LRRC20: variants seen among roughly 807,000 people sequenced by gnomAD.
LRRC20 encodes leucine rich repeat containing 20.
Under a neutral mutation model 14.4 loss-of-function variants are expected in LRRC20, and 11 were observed. The ratio of observed to expected loss-of-function variants is 0.77; its 90% confidence interval spans 0.48 to 1.27. The LOEUF is 1.27. Ranked by LOEUF, LRRC20 falls within the 50% of genes most tolerant of loss-of-function variation. The pLI is 0.00. For synonymous variants in LRRC20, 121 were observed against 107.3 expected (o/e 1.13, Z -0.79); for missense variants, 219 against 251.2 (o/e 0.87, Z 0.87).
intron 2 of LRRC20, among the ~76,000 whole-genome samples, chr10:70,375,337 T>A (rs114157806): frequency 6.6e-6 from 1 of 151,996 alleles, no homozygotes; most frequent in Non-Finnish European, 1.5e-5. Context: ...AACCACAGGG[T>A]CCCTGTGCTC....
At chr10:70,322,889 T>C (rs1329347932) in intron 4 of LRRC20, among the ~76,000 whole-genome samples, 1 of 151,828 alleles carries the variant, frequency 6.6e-6, no homozygotes, top group Non-Finnish European at 1.5e-5. Flanking sequence ...GTGGCACCGC[T>C]GACAGATGGG....
At position 70,375,141 on chromosome 10, in the gene LRRC20, C is replaced by T. The variant is rs114861729; in HGVS notation, c.82+1311G>A. 8.1e-3 allele frequency among the ~76,000 whole-genome samples: 1,226 copies of T among 152,294 alleles called. 16 individuals are homozygous for T. Among genetic ancestry groups the T allele is most frequent in the South Asian group, 0.031 (148 of 4,822 alleles). ...CCGGAATTCCTTCACTGAGGGCTCA[C>T]AGTCATCAGCTCACTAGCTTAAGGC... On this transcript the variant is annotated intron_variant, in intron 2 of 4. Coordinates refer to ENST00000446961, the MANE Select transcript of LRRC20 (RefSeq NM_001278212.2).
At chr10:70,356,718 G>A (rs1470179347) in intron 2 of LRRC20, among the ~76,000 whole-genome samples, 1 of 151,540 alleles carries the variant, frequency 6.6e-6, no homozygotes, top group East Asian at 2.0e-4. Context: ...GGGTGTGGTG[G>A]CAGGTGCCTG....
rs753431903 is a variant in LRRC20 at position 70,301,412 on chromosome 10, G to A, written c.497C>T (p.Pro166Leu). ...CATGAGCATGTCAAACTTGATGAGC[G>A]GCGGGGCGATCACGCGCACCTCGGC... ...LNAEVRVIAP[P>L]LIKFDMLMSP... Residue 166 changes from proline to leucine, a missense_variant, in exon 5 of 5, where the codon CCG becomes CTG. Transcript: ENST00000446961. The A allele has an allele frequency of 3.9e-5, 63 of 1,613,650 alleles. No homozygotes were observed. Among genetic ancestry groups the A allele is most frequent in the Admixed American group, 1.8e-4 (11 of 60,008 alleles).
intron 4 of LRRC20, among the ~76,000 whole-genome samples, chr10:70,318,467 C>T (rs764196467): frequency 6.6e-6 from 1 of 152,168 alleles, no homozygotes; most frequent in Non-Finnish European, 1.5e-5. Flanking sequence ...CTTAAAAGTG[C>T]CGCTAGCCAG....
At position 70,355,475 on chromosome 10, in the gene LRRC20, C is replaced by T. The variant is rs189465827; in HGVS notation, c.83-14773G>A. On this transcript the variant is annotated intron_variant, in intron 2 of 4. Coordinates refer to ENST00000446961, the MANE Select transcript of LRRC20 (RefSeq NM_001278212.2). Reference sequence around the variant, plus strand: ...ACCACATACGTCCAGAAAGTCCCACCGCAATAGCACACACAGCTACTGGGC... The same window carrying T: ...ACCACATACGTCCAGAAAGTCCCACTGCAATAGCACACACAGCTACTGGGC... Among the ~76,000 whole-genome samples the T allele has an allele frequency of 3.0e-3, 464 of 152,222 alleles. 2 individuals carry two copies. The highest frequency in any genetic ancestry group is 9.3e-3 in the African/African-American group (388 of 41,520).
chr10:70,311,219 T>A (rs1252000984), intron 4 of LRRC20, among the ~76,000 whole-genome samples: 1 of 144,874 alleles, frequency 6.9e-6, no homozygotes, highest in Non-Finnish European at 1.5e-5. Context: ...TTTTCAACAT[T>A]CCATTTTTTT....
Position 70,300,643 on chromosome 10 carries a change from C to T in LRRC20, c.*711G>A, listed in dbSNP as rs374037243. ...GAGCACTCAGGACTTCCCACCCCGC[C>T]AATTTGTTAACTGTGGGGAATGACA... is the stretch of plus-strand genomic sequence containing the variant. On this transcript the variant is annotated 3_prime_UTR_variant, in exon 5 of 5. Coordinates refer to ENST00000446961, the MANE Select transcript of LRRC20 (RefSeq NM_001278212.2). The T allele has an allele frequency of 5.4e-5, 53 of 985,596 alleles. No homozygotes were observed. In the East Asian group the frequency reaches 4.8e-3, roughly 89 times the overall value. The allele number at this position is 985,596 out of a possible 1,614,324, so 61.1% of individuals were successfully genotyped here.
intron 2 of LRRC20, among the ~76,000 whole-genome samples, chr10:70,355,878 G>A (rs1383139390): frequency 1.2e-5 from 1 of 85,428 alleles, no homozygotes; most frequent in Non-Finnish European, 2.3e-5. Context: ...AGAGGGCTGT[G>A]TGGACACCCC....
chr10:70,360,382 T>C (rs1043585764), intron 2 of LRRC20, among the ~76,000 whole-genome samples: 6 of 150,584 alleles, frequency 4.0e-5, no homozygotes, highest in African/African-American at 9.8e-5. Flanking sequence ...CTCCTCCTCC[T>C]CCCCATCTCC....
At chr10:70,380,964 G>A (rs2137197015) in intron 1 of LRRC20, among the ~76,000 whole-genome samples, 1 of 152,342 alleles carries the variant, frequency 6.6e-6, no homozygotes, top group Admixed American at 6.5e-5. Context: ...CCAGGGGGAA[G>A]GGACAGGGGT....
intron 4 of LRRC20, among the ~76,000 whole-genome samples, chr10:70,321,935 G>T (rs375068785): frequency 6.6e-6 from 1 of 152,184 alleles, no homozygotes; most frequent in Non-Finnish European, 1.5e-5. Flanking sequence ...GCAGAAAAGC[G>T]AGATATGTCT....
At chr10:70,345,498 C>T (rs1833882558) in intron 2 of LRRC20, among the ~76,000 whole-genome samples, 1 of 151,550 alleles carries the variant, frequency 6.6e-6, no homozygotes, top group African/African-American at 2.4e-5. Flanking sequence ...CACTTAGAAG[C>T]TTAAAAAGAG....
intron 2 of LRRC20, among the ~76,000 whole-genome samples, chr10:70,366,069 CAAA>C (rs67374739): frequency 3.1e-5 from 4 of 128,742 alleles, no homozygotes; most frequent in East Asian, 4.8e-4. Flanking sequence ...GACTCCAGCT[CAAA>C]AAAAAAAAAA....
intron 3 of LRRC20, among the ~76,000 whole-genome samples, chr10:70,340,229 C>G (rs1038677378): frequency 6.6e-6 from 1 of 152,110 alleles, no homozygotes; most frequent in Non-Finnish European, 1.5e-5. Context: ...GAAGGGGGCT[C>G]ATTCAAGACT....
chr10:70,311,037 C>A (rs918093351), intron 4 of LRRC20, among the ~76,000 whole-genome samples: 3 of 152,074 alleles, frequency 2.0e-5, no homozygotes, highest in African/African-American at 7.2e-5. Flanking sequence ...ACTCACATAC[C>A]TACGTATTTC....
chr10:70,301,183 C>A lies in LRRC20; in HGVS notation c.*171G>T. 4.1e-5 allele frequency: 58 copies of A among 1,403,776 alleles called. No homozygotes were observed. The highest frequency in any genetic ancestry group is 5.2e-5 in the Non-Finnish European group (56 of 1,082,124). 87.0% of individuals were successfully genotyped at this position (1,403,776 alleles called of 1,614,324 possible). On this transcript the variant is annotated 3_prime_UTR_variant, in exon 5 of 5. Transcript: ENST00000446961. Reference sequence around the variant, plus strand: ...GCCTCTTCCCTTGGGCATTCCAGAGCCCACTACTGCTGTAAGCTATCTATC... The same window carrying A: ...GCCTCTTCCCTTGGGCATTCCAGAGACCACTACTGCTGTAAGCTATCTATC...
rs528971587 is a variant in LRRC20 at position 70,310,279 on chromosome 10, T to A, written c.401-8771A>T. On this transcript the variant is annotated intron_variant, in intron 4 of 4. Transcript: ENST00000446961. ...GATAGCTGGAGGCTGCAGAGGAGAA[T>A]ATGAAATGACCTGCATTTTGTGGAT... is the stretch of plus-strand genomic sequence containing the variant. Among the ~76,000 whole-genome samples the A allele has an allele frequency of 2.6e-5, 4 of 152,238 alleles. 1 individual carries two copies. The South Asian group carries it at 8.3e-4, about 32-fold the overall frequency.
intron 4 of LRRC20, among the ~76,000 whole-genome samples, chr10:70,305,767 G>A (rs1841396188): frequency 6.8e-6 from 1 of 146,534 alleles, no homozygotes; most frequent in Admixed American, 6.9e-5. Context: ...TTGAGATGGA[G>A]TCTCGCTCTG....
Sources: gnomAD v4.1 joint callset for allele counts (sites outside exome capture counted in the v4.1 genomes callset) on GRCh38, gnomAD v4.1.1 for gene constraint, MANE v1.5 for transcripts, NCBI Gene and HGNC (gene_info 2026-07-23, HGNC 2026-07-21) for gene names.